Variants in EPB41L2 observed in about 807,000 individuals in gnomAD.
EPB41L2 encodes the protein band 4.1-like protein 2.
Under a neutral mutation model 113.0 loss-of-function variants are expected in EPB41L2, and 43 were observed. The observed-to-expected ratio is 0.38, with a 90% CI of 0.30 to 0.49. The LOEUF is 0.49. EPB41L2 is among the 20% of genes least tolerant of loss of function. The pLI is 0.95. For missense variants in EPB41L2, 1,147 were observed against 1,223.4 expected (o/e 0.94, Z 0.93); for synonymous variants, 442 against 436.7 (o/e 1.01, Z -0.15).
intron 18 of EPB41L2, among the ~76,000 whole-genome samples, chr6:130,858,661 G>C (rs6569707): frequency 0.33 from 49,741 of 152,164 alleles, 8,785 homozygotes; most frequent in East Asian, 0.45. Context: ...GCCTGATCTA[G>C]ACATTCAGGT....
intron 1 of EPB41L2, among the ~76,000 whole-genome samples, chr6:130,966,186 T>C (rs945379728): frequency 5.9e-5 from 9 of 152,288 alleles, no homozygotes; most frequent in Non-Finnish European, 1.2e-4. Flanking sequence ...TCTGTGCATA[T>C]GTAAAATAAT....
chr6:130,887,317 A>G (rs753505042), intron 11 of EPB41L2, among the ~76,000 whole-genome samples: 11 of 152,210 alleles, frequency 7.2e-5, no homozygotes, highest in Non-Finnish European at 1.5e-4. Flanking sequence ...CTCCCACTAA[A>G]GGGAAGACCA....
chr6:131,039,561 G>A lies in EPB41L2; in HGVS notation c.-15+23594C>T, dbSNP rs953720724. ...AGGGCCTCAGTATCAAGGTTTCACC[G>A]TGCTCTGTAGCACTTTCCTATAATG... On this transcript the variant is annotated intron_variant, in intron 1 of 19. Transcript: ENST00000337057. 2.6e-5 allele frequency among the ~76,000 whole-genome samples: 4 copies of A among 152,084 alleles called. 1 individual carries two copies. The highest frequency in any genetic ancestry group is 4.2e-4 in the South Asian group (2 of 4,818).
intron 19 of EPB41L2, among the ~76,000 whole-genome samples, chr6:130,843,095 G>T (rs941570701): frequency 6.6e-6 from 1 of 152,156 alleles, no homozygotes; most frequent in Non-Finnish European, 1.5e-5. Flanking sequence ...CTTATTGTAC[G>T]AAGACTTTAT....
At chr6:131,025,070 C>T (rs575501921) in intron 1 of EPB41L2, among the ~76,000 whole-genome samples, 72 of 151,914 alleles carry the variant, frequency 4.7e-4, no homozygotes, top group African/African-American at 1.6e-3. Flanking sequence ...TAAGCCTATG[C>T]TTTTTAGATT....
chr6:130,953,992 ACAAC>A (rs1816271764), intron 3 of EPB41L2, among the ~76,000 whole-genome samples: 1 of 8,336 alleles, frequency 1.2e-4, no homozygotes, highest in East Asian at 0.05. Flanking sequence ...AAAAACTAAG[ACAAC>A]TAAGACAAGG....
chr6:130,940,929 A>G (rs1469268527), intron 3 of EPB41L2, among the ~76,000 whole-genome samples: 1 of 152,206 alleles, frequency 6.6e-6, no homozygotes, highest in East Asian at 1.9e-4. Context: ...GTATGTGGAT[A>G]TAAGTGTGTG....
chr6:130,940,446 A>C (rs1562538317), intron 3 of EPB41L2, among the ~76,000 whole-genome samples: 1 of 151,234 alleles, frequency 6.6e-6, no homozygotes, highest in Non-Finnish European at 1.5e-5. Context: ...GGTATAGCTG[A>C]GTTTTTCCTA....
intron 3 of EPB41L2, among the ~76,000 whole-genome samples, chr6:130,943,103 T>G (rs1681647190): frequency 6.6e-6 from 1 of 152,222 alleles, no homozygotes; most frequent in African/African-American, 2.4e-5. Context: ...ATCCTTTGGG[T>G]ATATACCCAG....
At chr6:130,951,485 C>T (rs1163048089) in intron 3 of EPB41L2, among the ~76,000 whole-genome samples, 1 of 151,446 alleles carries the variant, frequency 6.6e-6, no homozygotes, top group South Asian at 2.1e-4. Flanking sequence ...CCACCACGCC[C>T]GGCTAAAATT....
At chr6:130,891,053 A>G (rs1792670187) in intron 10 of EPB41L2, among the ~76,000 whole-genome samples, 1 of 152,358 alleles carries the variant, frequency 6.6e-6, no homozygotes, top group East Asian at 1.9e-4. Flanking sequence ...GGCTTATACA[A>G]AAGCATGTTT....
At chr6:130,998,584 T>C (rs867743769) in intron 1 of EPB41L2, among the ~76,000 whole-genome samples, 5 of 152,320 alleles carry the variant, frequency 3.3e-5, no homozygotes, top group Admixed American at 1.3e-4. Context: ...TTCCTCACTT[T>C]ATCTGAGGTG....
At chr6:130,864,785 T>G (rs1783190437) in intron 17 of EPB41L2, among the ~76,000 whole-genome samples, 1 of 152,236 alleles carries the variant, frequency 6.6e-6, no homozygotes, top group Non-Finnish European at 1.5e-5. Context: ...CTTTTGCTGT[T>G]TTTTAAATTG....
intron 1 of EPB41L2, among the ~76,000 whole-genome samples, chr6:130,972,935 T>TAAAAAAAA: frequency 2.1e-4 from 1 of 4,748 alleles, no homozygotes; most frequent in East Asian, 5.8e-3. Flanking sequence ...CTACTAAAGA[T>TAAAAAAAA]ACAAAAAAAA....
intron 3 of EPB41L2, among the ~76,000 whole-genome samples, chr6:130,940,111 C>A (rs1810313202): frequency 6.6e-6 from 1 of 152,186 alleles, no homozygotes; most frequent in African/African-American, 2.4e-5. Flanking sequence ...CTTTCTTTCC[C>A]ATGGGTGGGA....
chr6:131,023,776 T>G (rs559323508), intron 1 of EPB41L2, among the ~76,000 whole-genome samples: 79 of 148,672 alleles, frequency 5.3e-4, no homozygotes, highest in African/African-American at 1.5e-3. Flanking sequence ...TATATAGATA[T>G]ATAGATATAT....
intron 15 of EPB41L2, 49 bp downstream of exon 15, chr6:130,869,514 T>C (rs1784947950): frequency 2.0e-6 from 3 of 1,531,450 alleles, no homozygotes; most frequent in Non-Finnish European, 2.7e-6. Flanking sequence ...GAGTTCCCCA[T>C]CTGAGAAGCA....
chr6:131,037,738 G>A (rs114922883), intron 1 of EPB41L2, among the ~76,000 whole-genome samples: 8,009 of 151,916 alleles, frequency 0.053, 312 homozygotes, highest in East Asian at 0.12. Context: ...ACAGGCATGC[G>A]TCACCACGCC....
chr6:131,012,210 G>A (rs187662233), intron 1 of EPB41L2, among the ~76,000 whole-genome samples: 6 of 151,316 alleles, frequency 4.0e-5, no homozygotes, highest in African/African-American at 9.7e-5. Context: ...AGATGGGGGC[G>A]GGGGGAGCTT....
Sources: gnomAD v4.1 joint callset for allele counts (sites outside exome capture counted in the v4.1 genomes callset) on GRCh38, gnomAD v4.1.1 for gene constraint, MANE v1.5 for transcripts, NCBI Gene and HGNC (gene_info 2026-07-23, HGNC 2026-07-21) for gene names.